The following EMP3 variants were observed in gnomAD, a reference collection of about 807,000 sequenced individuals.
The protein encoded by EMP3 is epithelial membrane protein 3 (MAM blood group).
EMP3 carries 15 observed loss-of-function variants against 21.6 expected under a neutral mutation model. The observed-to-expected ratio is 0.69, with a 90% CI of 0.46 to 1.07. EMP3 has a LOEUF of 1.07. Ranked by LOEUF, EMP3 falls within the 50% of genes least tolerant of loss-of-function variation. The pLI, the probability that EMP3 is intolerant of heterozygous loss-of-function variation, is 0.00. For synonymous variants in EMP3, 107 were observed against 86.1 expected, an observed-to-expected ratio of 1.24 and a Z score of -1.34; for missense variants, 183 against 206.6, an observed-to-expected ratio of 0.89 and a Z score of 0.70.
chr19:48,327,688 G>C (rs1161340693), intron 3 of EMP3, 65 bp downstream of exon 3: 1 of 1,482,314 alleles, frequency 6.7e-7, no homozygotes, highest in Non-Finnish European at 9.3e-7. Flanking sequence ...GTCCTCATGG[G>C]ACTGAGAATT....
chr19:48,327,026 TTTTTA>T, intron 2 of EMP3, 104 bp downstream of exon 2: 1 of 999,018 alleles, frequency 1.0e-6, no homozygotes, highest in Admixed American at 1.9e-5. Flanking sequence ...TAGTATTTCT[TTTTTA>T]TTTTATTTCA....
In EMP3 at chr19:48,327,579, A is replaced by G. The variant is rs1569017621; in HGVS notation, c.137A>G (p.Asn46Ser). The G allele has an allele frequency of 6.2e-7, 1 of 1,613,954 alleles. No individual in the cohort carries two copies. Among genetic ancestry groups the G allele is most frequent in the South Asian group, 1.1e-5 (1 of 91,044 alleles). Residue 46 changes from asparagine to serine, a missense_variant, in exon 3 of 5, where the codon AAC (asparagine) becomes AGC (serine). Asn to Ser is a conservative substitution (Grantham distance 46). Coordinates refer to ENST00000270221, the MANE Select transcript of EMP3 (RefSeq NM_001425.3). ...AATCTCTGGTACGACTGCACGTGGA[A>G]CAACGACACCAAAACATGGGCCTGC... The part of the protein sequence containing the change: ...SLNLWYDCTW[N>S]NDTKTWACSN...
In EMP3 at chr19:48,330,483, G is replaced by C. The variant is rs759910554; in HGVS notation, c.*13G>C. ...GAAGCGGGAGTGAGCGCCCCGCCTC[G>C]CTCGGCTGCCCCCGCCCCTTCCCGG... is the stretch of plus-strand genomic sequence containing the variant. On this transcript the variant is annotated 3_prime_UTR_variant, in exon 5 of 5. Coordinates refer to ENST00000270221, the MANE Select transcript of EMP3 (RefSeq NM_001425.3). 2.0e-5 allele frequency: 32 copies of C among 1,570,962 alleles called. No homozygotes were observed. Among genetic ancestry groups the C allele is most frequent in the Non-Finnish European group, 2.5e-5 (29 of 1,164,474 alleles).
chr19:48,330,261 G>C, intron 4 of EMP3, 40 bp from the exon 5 acceptor site: 1 of 1,525,166 alleles, frequency 6.6e-7, no homozygotes, highest in Non-Finnish European at 8.8e-7. Flanking sequence ...ATGTAGTCTT[G>C]AGGGGGCACT....
At position 48,330,163 on chromosome 19, in the gene EMP3, C is replaced by CGG. The variant is rs138520439; in HGVS notation, c.323-132_323-131dup. ...CGCGCTACAGTTGCACGGCGCTGGG[C>CGG]GGGGGGGAAAGAACCACAACTCCCA... On this transcript the variant is annotated intron_variant, in intron 4 of 4. Coordinates refer to ENST00000270221, the MANE Select transcript of EMP3 (RefSeq NM_001425.3). 23 of 1,261,362 alleles carry CGG rather than the reference C, an allele frequency of 1.8e-5. No individual in the cohort carries two copies. In the African/African-American group the frequency reaches 3.6e-4, roughly 20 times the overall value. The allele number at this position is 1,261,362 out of a possible 1,614,324, so 78.1% of individuals were successfully genotyped here. A position where few individuals can be genotyped will look rare whatever the true frequency, so the allele number is the denominator to read the frequency against.
At chr19:48,330,233 C>A in intron 4 of EMP3, 68 bp from the exon 5 acceptor site, 1 of 1,478,550 alleles carries the variant, frequency 6.8e-7, no homozygotes, top group Admixed American at 2.5e-5. Flanking sequence ...CTTCTTTGCC[C>A]CCATGGGATA....
At chr19:48,326,498 T>G (rs915561571) in intron 1 of EMP3, among the ~76,000 whole-genome samples, 1 of 151,340 alleles carries the variant, frequency 6.6e-6, no homozygotes, top group African/African-American at 2.4e-5. Context: ...GCCAAATTTT[T>G]TTTTTTTTTT....
intron 2 of EMP3, among the ~76,000 whole-genome samples, 176 bp downstream of exon 2, chr19:48,327,098 TCTCGGCTCACTGCAAC>T (rs1444261721): frequency 6.6e-6 from 1 of 152,140 alleles, no homozygotes; most frequent in African/African-American, 2.4e-5. Context: ...AGTGGTGCGA[TCTCGGCTCACTGCAAC>T]CTCGGCCTCC....
chr19:48,326,953 G>A lies in EMP3; in HGVS notation c.78+31G>A, dbSNP rs372942298. On this transcript the variant is annotated intron_variant, in intron 2 of 4. Coordinates refer to ENST00000270221, the MANE Select transcript of EMP3 (RefSeq NM_001425.3). ...CCTACTTGGAGCTCAGGGCCCTTCT[G>A]TTCCCCTTTGGAATCTTGCCACGCC... The A allele has an allele frequency of 2.0e-4, 314 of 1,597,840 alleles. 5 individuals are homozygous for A. In the South Asian group the frequency reaches 3.3e-3, roughly 17 times the overall value.
chr19:48,325,609 CG>C lies in EMP3; in HGVS notation c.-16+1del, dbSNP rs1969111134. 6.6e-6 allele frequency: 1 copy of C among 152,076 alleles called. No individual in the cohort carries two copies. Among genetic ancestry groups the C allele is most frequent in the African/African-American group, 2.4e-5 (1 of 41,378 alleles). 9.4% of individuals were successfully genotyped at this position (152,076 alleles called of 1,614,324 possible). On this transcript the variant is annotated splice_region_variant and 5_prime_UTR_variant, in exon 1 of 5. Coordinates refer to ENST00000270221, the MANE Select transcript of EMP3 (RefSeq NM_001425.3). ...CAGCTCTGACTTTTTTCGCGGCTCT[CG>C]GTAAGTTTCCAGTCCGTTATTCAGG...
At position 48,330,298 on chromosome 19, in the gene EMP3, C is replaced by G; in HGVS notation, c.323-3C>G. 6.3e-7 allele frequency: 1 copy of G among 1,576,478 alleles called. No individual in the cohort carries two copies. Among genetic ancestry groups the G allele is most frequent in the Non-Finnish European group, 8.6e-7 (1 of 1,161,314 alleles). ...CATGACGTGTGGTTTTCATCTTCCG[C>G]AGGCGTGGCGGTGTTTACTGGCGCC... On this transcript the variant is annotated splice_polypyrimidine_tract_variant and splice_region_variant and intron_variant, in intron 4 of 4. Coordinates refer to ENST00000270221, the MANE Select transcript of EMP3 (RefSeq NM_001425.3).
At chr19:48,327,979 G>T (rs1336850931) in intron 3 of EMP3, among the ~76,000 whole-genome samples, 1 of 151,728 alleles carries the variant, frequency 6.6e-6, no homozygotes, top group Non-Finnish European at 1.5e-5. Context: ...GGCTAATTTT[G>T]CATTTTTAGT....
rs61764024 is a variant in EMP3 at position 48,326,834 on chromosome 19, C to G, written c.-11C>G. The G allele has an allele frequency of 7.2e-4, 1,162 of 1,613,788 alleles. 17 individuals carry two copies. The East Asian group carries it at 0.022, about 30-fold the overall frequency. On this transcript the variant is annotated 5_prime_UTR_variant, in exon 2 of 5. Transcript: ENST00000270221. ...TCCCCTGCTCCCCCTCCCCAGGCTTCCACTGCAGCCATGTCACTCCTCTTG... is the reference window on the plus strand; with the variant it reads ...TCCCCTGCTCCCCCTCCCCAGGCTTGCACTGCAGCCATGTCACTCCTCTTG...
Position 48,330,285 on chromosome 19 carries a change from T to C in EMP3, c.323-16T>C. On this transcript the variant is annotated splice_polypyrimidine_tract_variant and intron_variant, in intron 4 of 4. Transcript: ENST00000270221. ...TGAGGGGGCACTGCATGACGTGTGG[T>C]TTTCATCTTCCGCAGGCGTGGCGGT... 1.9e-6 allele frequency: 3 copies of C among 1,568,276 alleles called. No homozygotes were observed. The highest frequency in any genetic ancestry group is 2.6e-6 in the Non-Finnish European group (3 of 1,157,134).
In EMP3 at chr19:48,326,814, T is replaced by TGCTCCC; in HGVS notation, c.-15-15_-15-10dup. ...GCCAACCTCTTGAGACTCCGTCCCC[T>TGCTCCC]GCTCCCCCTCCCCAGGCTTCCACTG... On this transcript the variant is annotated splice_polypyrimidine_tract_variant and intron_variant, in intron 1 of 4. Transcript: ENST00000270221. The TGCTCCC allele has an allele frequency of 6.2e-7, 1 of 1,609,722 alleles. No homozygotes were observed. The highest frequency in any genetic ancestry group is 2.2e-5 in the East Asian group (1 of 44,780).
At chr19:48,326,770 G>A (rs1307776108) in intron 1 of EMP3, 60 bp from the exon 2 acceptor site, 10 of 1,422,770 alleles carry the variant, frequency 7.0e-6, no homozygotes, top group South Asian at 2.3e-5. Flanking sequence ...GGTTATAGGC[G>A]TGAGTGTGCC....
At chr19:48,327,057 G>A (rs78616544) in intron 2 of EMP3, 135 bp downstream of exon 2, 13,169 of 795,594 alleles carry the variant, frequency 0.017, 175 homozygotes, top group Middle Eastern at 0.084. Flanking sequence ...TTTGAGACAA[G>A]GGTCTCACTC....
At position 48,329,992 on chromosome 19, in the gene EMP3, A is replaced by G. The variant is rs1349292318; in HGVS notation, c.323-309A>G. On this transcript the variant is annotated intron_variant, in intron 4 of 4. Transcript: ENST00000270221. The surrounding 1 kb of genome is among the most constrained non-coding windows in gnomAD (Gnocchi z 4.5). The stretch of plus-strand genomic sequence containing the variant: ...TAACTTAATCACAGTCAGTTTGGGG[A>G]ACATTATAGGTTCTTGCAAAGCTTC... Among the ~76,000 whole-genome samples the G allele has an allele frequency of 6.6e-6, 1 of 152,108 alleles. No homozygotes were observed. The highest frequency in any genetic ancestry group is 1.5e-5 in the Non-Finnish European group (1 of 68,030).
rs1234531166 is a variant in EMP3 at position 48,326,851 on chromosome 19, C to T, written c.7C>T (p.Leu3Phe). 1 of 1,613,994 alleles carries T rather than the reference C, an allele frequency of 6.2e-7. No homozygotes were observed. The highest frequency in any genetic ancestry group is 1.1e-5 in the South Asian group (1 of 91,080). ...CCAGGCTTCCACTGCAGCCATGTCA[C>T]TCCTCTTGCTGGTGGTCTCAGCCCT... MS[L>F]LLLVVSALHI... is the part of the protein sequence containing the mutation. Residue 3 changes from leucine (L) to phenylalanine (F), a missense_variant, in exon 2 of 5, where the codon CTC becomes TTC. Leu to Phe is a conservative substitution (Grantham distance 22). Transcript: ENST00000270221.
Sources: allele counts gnomAD v4.1 joint callset (sites outside exome capture counted in the v4.1 genomes callset), GRCh38; gene constraint gnomAD v4.1.1; non-coding constraint Gnocchi (gnomAD v3.1); transcripts MANE v1.5; gene names NCBI Gene and HGNC (gene_info 2026-07-23, HGNC 2026-07-21).